The following PHACTR1 variants were observed in gnomAD, a reference collection of about 807,000 sequenced individuals.
PHACTR1 encodes the protein RPEL repeat containing 1.
In PHACTR1, 16 loss-of-function variants were observed where a neutral mutation model predicts 69.2. That is an observed-to-expected ratio of 0.23 (90% confidence interval 0.16 to 0.35). PHACTR1 has a LOEUF of 0.35. PHACTR1 is among the 10% of genes least tolerant of loss of function. PHACTR1 has a pLI of 1.00. For missense variants in PHACTR1, 510 were observed against 734.7 expected (o/e 0.69, Z 3.54); for synonymous variants, 312 against 284.5 (o/e 1.10, Z -0.97).
chr6:12,957,247 C>T, intron 4 of PHACTR1: 3 of 511,160 alleles, frequency 5.9e-6, no homozygotes, highest in Non-Finnish European at 6.9e-6. Flanking sequence ...AAAAGCTCAA[C>T]AAATACTCAA....
chr6:13,238,493 C>T (rs1253068008), intron 10 of PHACTR1, among the ~76,000 whole-genome samples: 2 of 152,164 alleles, frequency 1.3e-5, no homozygotes, highest in Admixed American at 6.5e-5. Flanking sequence ...CCTAAGTAGT[C>T]TACACCATTG....
chr6:13,036,619 C>T (rs1583067422), intron 4 of PHACTR1, among the ~76,000 whole-genome samples: 1 of 152,146 alleles, frequency 6.6e-6, no homozygotes, highest in Non-Finnish European at 1.5e-5. Flanking sequence ...AGTTCAAACT[C>T]GAGATAAACT....
At chr6:13,240,690 G>A (rs915728691) in intron 10 of PHACTR1, among the ~76,000 whole-genome samples, 30 of 151,978 alleles carry the variant, frequency 2.0e-4, no homozygotes, top group Admixed American at 1.2e-3. Context: ...CAAGTGATCC[G>A]CCCACCTCAG....
chr6:13,087,903 T>A (rs922229983), intron 5 of PHACTR1, among the ~76,000 whole-genome samples: 2 of 152,032 alleles, frequency 1.3e-5, no homozygotes, highest in Admixed American at 6.6e-5. Context: ...CACCTTGGCC[T>A]CCCAAGGTGC....
At chr6:13,092,873 A>T (rs528745055) in intron 5 of PHACTR1, among the ~76,000 whole-genome samples, 4 of 152,378 alleles carry the variant, frequency 2.6e-5, no homozygotes, top group African/African-American at 9.6e-5. Flanking sequence ...ACTGAGAACC[A>T]AGTAACTCCA....
chr6:13,252,929 G>T (rs1216636339), intron 10 of PHACTR1: 1 of 352,170 alleles, frequency 2.8e-6, no homozygotes, highest in Admixed American at 2.7e-5. Flanking sequence ...GATTCCTTGG[G>T]GTTTTTGTGT....
chr6:13,107,311 T>C (rs954642470), intron 5 of PHACTR1, among the ~76,000 whole-genome samples: 3 of 152,182 alleles, frequency 2.0e-5, no homozygotes, highest in Admixed American at 1.3e-4. Flanking sequence ...AGGGTCTCGC[T>C]ATGTTGCCAG....
chr6:13,162,096 T>TTGC (rs1231128361), intron 6 of PHACTR1, among the ~76,000 whole-genome samples: 1 of 22,642 alleles, frequency 4.4e-5, no homozygotes, highest in Non-Finnish European at 1.0e-4. Context: ...CCTTGTTTTG[T>TTGC]TGTTGTTGTT....
At chr6:12,968,809 A>G (rs1285224160) in intron 4 of PHACTR1, among the ~76,000 whole-genome samples, 1 of 152,242 alleles carries the variant, frequency 6.6e-6, no homozygotes, top group Non-Finnish European at 1.5e-5. Flanking sequence ...CAATGAAGGC[A>G]TTTCACCAGG....
At chr6:12,891,875 A>G (rs1241101350) in intron 4 of PHACTR1, among the ~76,000 whole-genome samples, 1 of 152,206 alleles carries the variant, frequency 6.6e-6, no homozygotes, top group African/African-American at 2.4e-5. Flanking sequence ...TTAAACGCCC[A>G]AGCTCCAGTT....
intron 8 of PHACTR1, among the ~76,000 whole-genome samples, chr6:13,211,937 G>A (rs190463630): frequency 4.7e-4 from 71 of 152,292 alleles, no homozygotes; most frequent in African/African-American, 1.2e-3. Flanking sequence ...CACACAATGC[G>A]TGACTTAGAT....
At position 12,819,115 on chromosome 6, in the gene PHACTR1, A is replaced by G. The variant is rs73722860; in HGVS notation, c.250+69325A>G. Among the ~76,000 whole-genome samples, 436 of 152,330 alleles carry G rather than the reference A, an allele frequency of 2.9e-3. 4 individuals are homozygous for G. Among genetic ancestry groups the G allele is most frequent in the African/African-American group, 0.01 (420 of 41,566 alleles). ...GGCATTCCACCGCCAAAACCTCGGC[A>G]TCTTCCAACTGATTAGTGTGTCTCA... On this transcript the variant is annotated intron_variant, in intron 4 of 14. Coordinates refer to ENST00000332995, the MANE Select transcript of PHACTR1 (RefSeq NM_030948.6).
At chr6:13,278,559 TAAC>T (rs941296857) in intron 12 of PHACTR1, among the ~76,000 whole-genome samples, 3 of 152,260 alleles carry the variant, frequency 2.0e-5, no homozygotes, top group Non-Finnish European at 2.9e-5. Context: ...ACCTACTTCC[TAAC>T]AACTCGATGG....
At chr6:12,932,729 C>A (rs769752604) in intron 4 of PHACTR1, among the ~76,000 whole-genome samples, 14 of 152,260 alleles carry the variant, frequency 9.2e-5, no homozygotes, top group South Asian at 8.3e-4. Flanking sequence ...TCTGCATTAT[C>A]TCATTAATCC....
chr6:13,174,029 A>AT lies in PHACTR1; in HGVS notation c.497-8480dup, dbSNP rs149463821. On this transcript the variant is annotated intron_variant, in intron 6 of 14. Coordinates refer to ENST00000332995, the MANE Select transcript of PHACTR1 (RefSeq NM_030948.6). ...ATAGCTATGCCCCCTTAATGAGTGG[A>AT]TTTTTTTTTTCTATTCACATAGAAA... Among the ~76,000 whole-genome samples the AT allele has an allele frequency of 1.8e-3, 268 of 150,838 alleles. 5 individuals carry two copies. The East Asian group carries it at 0.029, about 16-fold the overall frequency.
intron 8 of PHACTR1, among the ~76,000 whole-genome samples, chr6:13,216,429 A>G (rs1284698816): frequency 1.3e-5 from 2 of 152,270 alleles, no homozygotes; most frequent in Admixed American, 1.3e-4. Context: ...GATATGAATC[A>G]GTGCCTCAGC....
At chr6:13,120,756 G>A (rs1465525536) in intron 5 of PHACTR1, among the ~76,000 whole-genome samples, 1 of 152,204 alleles carries the variant, frequency 6.6e-6, no homozygotes, top group East Asian at 1.9e-4. Flanking sequence ...GGGGCATGGG[G>A]AAAGGCAAGA....
intron 5 of PHACTR1, among the ~76,000 whole-genome samples, chr6:13,113,329 A>C (rs1817327827): frequency 6.6e-6 from 1 of 152,200 alleles, no homozygotes. Flanking sequence ...ATTAGATAGA[A>C]TTCTTTCAAG....
At chr6:13,051,977 T>A (rs1561755225) in intron 4 of PHACTR1, among the ~76,000 whole-genome samples, 1 of 152,156 alleles carries the variant, frequency 6.6e-6, no homozygotes, top group Non-Finnish European at 1.5e-5. Context: ...GTCCAAATCA[T>A]CACTGCCCTC....
Sources: gnomAD v4.1 joint callset for allele counts (sites outside exome capture counted in the v4.1 genomes callset) on GRCh38, gnomAD v4.1.1 for gene constraint, MANE v1.5 for transcripts, NCBI Gene and HGNC (gene_info 2026-07-23, HGNC 2026-07-21) for gene names.